Variants in WNT10A observed in about 807,000 individuals in gnomAD.
The protein encoded by WNT10A is Wnt family member 10A.
In WNT10A, 37 loss-of-function variants were observed where a neutral mutation model predicts 36.1. The ratio of observed to expected loss-of-function variants is 1.02; its 90% CI spans 0.79 to 1.35. The LOEUF is 1.35. Among genes scored for constraint, WNT10A ranks in the 40% most tolerant of loss-of-function variants. WNT10A has a pLI of 0.00. For synonymous variants in WNT10A, 255 were observed against 254.1 expected, an observed-to-expected ratio of 1.00 and a Z score of -0.03; for missense variants, 613 against 601.4, an observed-to-expected ratio of 1.02 and a Z score of -0.20.
At position 218,880,884 on chromosome 2, in the gene WNT10A, C is replaced by A; in HGVS notation, c.-112C>A. 7.6e-7 allele frequency: 1 copy of A among 1,319,070 alleles called. No homozygotes were observed. 81.7% of individuals were successfully genotyped at this position (1,319,070 alleles called of 1,614,324 possible). A position where few individuals can be genotyped will look rare whatever the true frequency, so the allele number is the denominator to read the frequency against. On this transcript the variant is annotated 5_prime_UTR_variant, in exon 1 of 4. The change creates a new upstream start codon in the 5' untranslated region. Transcript: ENST00000258411. The surrounding 1 kb of genome is among the most constrained non-coding windows in gnomAD (Gnocchi z 7.7). The stretch of plus-strand genomic sequence containing the variant: ...CCGGGAGCCCTGACCCGAGTCGGAG[C>A]TGTGTGTCGCAGCCGCCCCGACCCC...
intron 3 of WNT10A, among the ~76,000 whole-genome samples, chr2:218,891,368 G>A (rs1037739582): frequency 1.7e-4 from 26 of 152,142 alleles, no homozygotes; most frequent in Non-Finnish European, 2.9e-4. Context: ...GCCTGTTGAG[G>A]CCTTTTACCT....
intron 2 of WNT10A, among the ~76,000 whole-genome samples, chr2:218,883,220 G>A (rs1376658872): frequency 6.6e-6 from 1 of 152,094 alleles, no homozygotes; most frequent in East Asian, 1.9e-4. Flanking sequence ...GGGAAGGATG[G>A]GGGCCCTGCC....
chr2:218,892,736 G>T, intron 3 of WNT10A, 38 bp from the exon 4 acceptor site: 1 of 1,556,096 alleles, frequency 6.4e-7, no homozygotes, highest in Non-Finnish European at 8.7e-7. Flanking sequence ...GAGTGGGGCT[G>T]CGCGCCGTGT....
At chr2:218,889,941 A>C (rs1468799978) in intron 2 of WNT10A, 43 bp from the exon 3 acceptor site, 16 of 1,610,788 alleles carry the variant, frequency 9.9e-6, no homozygotes, top group Non-Finnish European at 1.4e-5. Context: ...ATGGGGTGTC[A>C]AGGCCCCTCC....
At chr2:218,880,525 G>C (rs894280099), upstream of WNT10A, 2 of 157,944 alleles carry the variant, frequency 1.3e-5, no homozygotes, top group African/African-American at 4.8e-5. This position sits in a 1 kb window ranked among gnomAD's most constrained non-coding sequence, Gnocchi z 7.7. Context: ...AGAGCTCCCC[G>C]AGCCGGGACA....
At chr2:218,884,710 G>A (rs1294327330) in intron 2 of WNT10A, among the ~76,000 whole-genome samples, 1 of 152,184 alleles carries the variant, frequency 6.6e-6, no homozygotes, top group African/African-American at 2.4e-5. Flanking sequence ...TCTTCTGGAG[G>A]ACTAGCTAAA....
chr2:218,889,870 G>C, intron 2 of WNT10A, 114 bp from the exon 3 acceptor site: 1 of 1,544,092 alleles, frequency 6.5e-7, no homozygotes, highest in Non-Finnish European at 8.8e-7. Context: ...CCTTGTGCCA[G>C]ACTCTCCTGC....
chr2:218,886,226 C>A (rs1944575742), intron 2 of WNT10A, among the ~76,000 whole-genome samples: 1 of 152,216 alleles, frequency 6.6e-6, no homozygotes, highest in Admixed American at 6.5e-5. Context: ...CACACACACA[C>A]ACACACCAAA....
Position 218,890,005 on chromosome 2 carries a change from C to T in WNT10A, c.398C>T (p.Ala133Val), listed in dbSNP as rs773589533. The change falls in exon 3 of 4, where the codon GCC becomes GTC. Residue 133 changes from alanine (A) to valine (V), a missense_variant. Ala to Val is a moderately conservative substitution (Grantham distance 64, BLOSUM62 0). Coordinates refer to ENST00000258411, the MANE Select transcript of WNT10A (RefSeq NM_025216.3). ...ACAGGTTTCCGAGAGAGCGCTTTTGCCTACGCCATCGCAGCAGCTGGCGTG... is the reference window on the plus strand; with the variant it reads ...ACAGGTTTCCGAGAGAGCGCTTTTGTCTACGCCATCGCAGCAGCTGGCGTG... ...FSRGFRESAF[A>V]YAIAAAGVVH... 6 of 1,613,212 alleles carry T rather than the reference C, an allele frequency of 3.7e-6. No homozygotes were observed. The highest frequency in any genetic ancestry group is 2.2e-5 in the East Asian group (1 of 44,890).
In WNT10A at chr2:218,881,047, C is replaced by G. The variant is rs749946704; in HGVS notation, c.52C>G (p.Pro18Ala). The G allele has an allele frequency of 1.8e-5, 29 of 1,603,472 alleles. No homozygotes were observed. The highest frequency in any genetic ancestry group is 9.4e-5 in the African/African-American group (7 of 74,790). ...PWLRLRPQPQ[P>A]RPALWVLLFF... is the part of the protein sequence containing the mutation. ...GCTGCGGCTCCGACCCCAGCCCCAG[C>G]CGCGGCCAGCGCTCTGGGTGCTCCT... The change falls in exon 1 of 4, where the codon CCG becomes GCG. Residue 18 changes from proline to alanine, a missense_variant. Physicochemically the swap from Pro to Ala is conservative, Grantham distance 27. Coordinates refer to ENST00000258411, the MANE Select transcript of WNT10A (RefSeq NM_025216.3).
intron 2 of WNT10A, among the ~76,000 whole-genome samples, chr2:218,888,470 A>G (rs1384714874): frequency 2.0e-5 from 3 of 152,170 alleles, no homozygotes; most frequent in Non-Finnish European, 2.9e-5. Context: ...TGCCTCCTGA[A>G]CATCTGGTGG....
upstream of WNT10A, among the ~76,000 whole-genome samples, chr2:218,879,061 G>C (rs1166069716): frequency 6.6e-6 from 1 of 150,976 alleles, no homozygotes; most frequent in Non-Finnish European, 1.5e-5. Context: ...AGTCCAGCCA[G>C]ACTGCTCCCC....
At chr2:218,889,884 C>T in intron 2 of WNT10A, 100 bp from the exon 3 acceptor site, 2 of 1,584,996 alleles carry the variant, frequency 1.3e-6, no homozygotes, top group Non-Finnish European at 1.7e-6. Flanking sequence ...CTCCTGCATA[C>T]TGGGCTTCAG....
chr2:218,874,541 T>C, the WNT10A span, among the ~76,000 whole-genome samples: 1 of 152,172 alleles, frequency 6.6e-6, no homozygotes, highest in South Asian at 2.1e-4. Context: ...CTGGTTCCTC[T>C]TGGGAAGCTA....
intron 2 of WNT10A, chr2:218,883,750 C>G (rs932283023): frequency 7.2e-5 from 11 of 151,938 alleles, no homozygotes; most frequent in African/African-American, 2.7e-4. Flanking sequence ...CCCGCCCCAC[C>G]GCCGCCCGGG....
chr2:218,880,961 G>C lies in WNT10A; in HGVS notation c.-35G>C. Reference sequence around the variant, plus strand: ...GCTCTCCAGTCCCACTGGGCTGTGAGCCCCCCACTCCCAGCCCGTCAGGGC... The same window carrying C: ...GCTCTCCAGTCCCACTGGGCTGTGACCCCCCCACTCCCAGCCCGTCAGGGC... On this transcript the variant is annotated 5_prime_UTR_variant, in exon 1 of 4. Transcript: ENST00000258411. The surrounding 1 kb of genome is among the most constrained non-coding windows in gnomAD (Gnocchi z 7.7). 1 of 1,546,942 alleles carries C rather than the reference G, an allele frequency of 6.5e-7. No homozygotes were observed. Among genetic ancestry groups the C allele is most frequent in the Non-Finnish European group, 8.7e-7 (1 of 1,145,762 alleles).
chr2:218,893,433 G>C lies in WNT10A; in HGVS notation c.*162G>C. 9.6e-7 allele frequency: 1 copy of C among 1,037,136 alleles called. No individual in the cohort carries two copies. Among genetic ancestry groups the C allele is most frequent in the Non-Finnish European group, 1.4e-6 (1 of 737,948 alleles). The allele number at this position is 1,037,136 out of a possible 1,614,324, so 64.2% of individuals were successfully genotyped here. On this transcript the variant is annotated 3_prime_UTR_variant, in exon 4 of 4. Coordinates refer to ENST00000258411, the MANE Select transcript of WNT10A (RefSeq NM_025216.3). This position sits in a 1 kb window ranked among gnomAD's most constrained non-coding sequence, Gnocchi z 6.3. ...CTCAGCTCTGAGGTCTGTGATCGCCGGACAGTCCAGGCCTGTCTGAACCCC... is the reference window on the plus strand; with the variant it reads ...CTCAGCTCTGAGGTCTGTGATCGCCCGACAGTCCAGGCCTGTCTGAACCCC...
intron 3 of WNT10A, 147 bp from the exon 4 acceptor site, chr2:218,892,627 T>C: frequency 7.6e-7 from 1 of 1,310,460 alleles, no homozygotes; most frequent in Non-Finnish European, 1.0e-6. Context: ...GAAGTTCTTC[T>C]GACTGCCTGG....
chr2:218,886,443 T>A (rs1944578109), intron 2 of WNT10A, among the ~76,000 whole-genome samples: 1 of 152,014 alleles, frequency 6.6e-6, no homozygotes, highest in Non-Finnish European at 1.5e-5. Flanking sequence ...CCCTTCTAGT[T>A]CCCATTGGCT....
Sources: gnomAD v4.1 joint callset for allele counts (sites outside exome capture counted in the v4.1 genomes callset) on GRCh38, gnomAD v4.1.1 for gene constraint, Gnocchi (gnomAD v3.1) non-coding constraint, MANE v1.5 for transcripts, NCBI Gene and HGNC (gene_info 2026-07-23, HGNC 2026-07-21) for gene names.